The following PPP2R2C variants were observed in gnomAD, a reference collection of about 807,000 sequenced individuals.
The protein encoded by PPP2R2C is protein phosphatase 2 regulatory subunit Bgamma.
Under a neutral mutation model 45.3 loss-of-function variants are expected in PPP2R2C, and 10 were observed. The ratio of observed to expected loss-of-function variants is 0.22; its 90% CI spans 0.14 to 0.37. PPP2R2C has a LOEUF of 0.37. Among genes scored for constraint, PPP2R2C ranks in the 10% least tolerant of loss-of-function variants. The pLI is 1.00. For missense variants in PPP2R2C, 308 were observed against 619.7 expected, an observed-to-expected ratio of 0.50 and a Z score of 5.34; for synonymous variants, 257 against 245.4, an observed-to-expected ratio of 1.05 and a Z score of -0.44.
chr4:6,323,927 G>C (rs1406717313), intron 8 of PPP2R2C, among the ~76,000 whole-genome samples: 3 of 151,990 alleles, frequency 2.0e-5, no homozygotes, highest in Non-Finnish European at 4.4e-5. Context: ...CTGGGTGACA[G>C]AGTAAAACTC....
chr4:6,342,034 G>A (rs914646060), intron 6 of PPP2R2C, among the ~76,000 whole-genome samples: 45 of 151,076 alleles, frequency 3.0e-4, no homozygotes, highest in African/African-American at 1.0e-3. Flanking sequence ...CCTGATGTGC[G>A]ATTTTCCCAG....
intron 2 of PPP2R2C, among the ~76,000 whole-genome samples, chr4:6,379,231 G>T (rs1419726490): frequency 6.6e-6 from 1 of 152,162 alleles, no homozygotes; most frequent in Non-Finnish European, 1.5e-5. Flanking sequence ...AGGCAGCAGA[G>T]CTCCTTCTAA....
chr4:6,458,511 C>G (rs181848920), intron 1 of PPP2R2C, among the ~76,000 whole-genome samples: 136 of 152,320 alleles, frequency 8.9e-4, no homozygotes, highest in African/African-American at 3.3e-3. Context: ...ACAACCTCAT[C>G]ACTCCCAAAG....
chr4:6,372,840 G>A, intron 4 of PPP2R2C, 140 bp from the exon 5 acceptor site: 1 of 827,096 alleles, frequency 1.2e-6, no homozygotes, highest in Non-Finnish European at 1.9e-6. Flanking sequence ...GTCTGAAATA[G>A]GCAGTGACAG....
At chr4:6,552,555 C>G (rs537230476) in intron 1 of PPP2R2C, among the ~76,000 whole-genome samples, 1 of 152,080 alleles carries the variant, frequency 6.6e-6, no homozygotes, top group African/African-American at 2.4e-5. Context: ...TTTCTCTCCT[C>G]TGCTTGTGTC....
intron 2 of PPP2R2C, among the ~76,000 whole-genome samples, chr4:6,497,840 T>C (rs1039322423): frequency 1.3e-5 from 2 of 152,220 alleles, no homozygotes; most frequent in Non-Finnish European, 2.9e-5. Context: ...GGAACAGTGT[T>C]TTCTAGAAGA....
intron 1 of PPP2R2C, among the ~76,000 whole-genome samples, chr4:6,544,645 A>T (rs1297809069): frequency 2.6e-5 from 4 of 152,216 alleles, no homozygotes; most frequent in Non-Finnish European, 5.9e-5. Context: ...CTCCAAAAGC[A>T]TTCCTAAATT....
chr4:6,546,050 G>T (rs1445867195), intron 1 of PPP2R2C, among the ~76,000 whole-genome samples: 1 of 152,208 alleles, frequency 6.6e-6, no homozygotes, highest in Admixed American at 6.5e-5. Flanking sequence ...ATCAACACGT[G>T]GCTAAACGAG....
At chr4:6,454,625 A>G (rs1386588801) in intron 1 of PPP2R2C, among the ~76,000 whole-genome samples, 1 of 152,182 alleles carries the variant, frequency 6.6e-6, no homozygotes, top group Non-Finnish European at 1.5e-5. Flanking sequence ...TGCCCAGCCA[A>G]GCTCTGCCCA....
intron 1 of PPP2R2C, among the ~76,000 whole-genome samples, chr4:6,544,782 C>G (rs73796245): frequency 0.042 from 6,425 of 152,298 alleles, 436 homozygotes; most frequent in African/African-American, 0.14. Context: ...TGCTCTGCAA[C>G]TGTGGATGCC....
chr4:6,424,417 G>A (rs919490442), intron 1 of PPP2R2C, among the ~76,000 whole-genome samples: 2 of 152,346 alleles, frequency 1.3e-5, no homozygotes, highest in East Asian at 1.9e-4. Context: ...TCTGCAGAGA[G>A]AGGACACTTT....
At chr4:6,352,400 G>A (rs1712652127) in intron 5 of PPP2R2C, among the ~76,000 whole-genome samples, 1 of 152,164 alleles carries the variant, frequency 6.6e-6, no homozygotes, top group Admixed American at 6.5e-5. Context: ...AATCCTGCTT[G>A]AAAAACTGCT....
chr4:6,335,645 A>G lies in PPP2R2C; in HGVS notation c.791-1914T>C, dbSNP rs573908171. On this transcript the variant is annotated intron_variant, in intron 6 of 8. Coordinates refer to ENST00000382599, the MANE Select transcript of PPP2R2C (RefSeq NM_020416.4). The stretch of plus-strand genomic sequence containing the variant: ...GGCAGGAGGCTGGAGTCCCCTCCCG[A>G]CGGAGGAAGGAAGTTCCAGCACCCG... Among the ~76,000 whole-genome samples the G allele has an allele frequency of 4.6e-4, 70 of 152,056 alleles. 1 individual carries two copies. In the South Asian group the frequency reaches 0.013, roughly 28 times the overall value.
At chr4:6,380,890 G>T in intron 2 of PPP2R2C, 107 bp downstream of exon 2, 3 of 1,415,642 alleles carry the variant, frequency 2.1e-6, no homozygotes, top group African/African-American at 2.9e-5. Flanking sequence ...ACCTCTCACC[G>T]CATCACCCCT....
chr4:6,403,910 G>A (rs183068554), intron 1 of PPP2R2C, among the ~76,000 whole-genome samples: 1 of 151,828 alleles, frequency 6.6e-6, no homozygotes, highest in East Asian at 1.9e-4. Context: ...GCCTGACAGG[G>A]ATACACTGTG....
intron 1 of PPP2R2C, among the ~76,000 whole-genome samples, chr4:6,386,089 C>T (rs1283026484): frequency 6.6e-6 from 1 of 152,240 alleles, no homozygotes; most frequent in African/African-American, 2.4e-5. Flanking sequence ...GCAACTCTCT[C>T]ACAGATAACT....
At chr4:6,334,783 C>T (rs1347492487) in intron 6 of PPP2R2C, among the ~76,000 whole-genome samples, 3 of 152,202 alleles carry the variant, frequency 2.0e-5, no homozygotes, top group African/African-American at 7.2e-5. Context: ...TGAGTGGCAG[C>T]CTTGCCTGCT....
chr4:6,484,546 A>G (rs1199234116), intron 2 of PPP2R2C, among the ~76,000 whole-genome samples: 4 of 151,598 alleles, frequency 2.6e-5, no homozygotes, highest in East Asian at 1.9e-4. Context: ...TATTGTTTAC[A>G]CTGTGTTGAA....
intron 1 of PPP2R2C, among the ~76,000 whole-genome samples, chr4:6,399,045 T>C (rs984707316): frequency 6.6e-6 from 1 of 152,178 alleles, no homozygotes; most frequent in Non-Finnish European, 1.5e-5. Context: ...GTGCAGACTA[T>C]CCTACAGTGA....
Sources: allele counts gnomAD v4.1 joint callset (sites outside exome capture counted in the v4.1 genomes callset), GRCh38; gene constraint gnomAD v4.1.1; transcripts MANE v1.5; gene names NCBI Gene and HGNC (gene_info 2026-07-23, HGNC 2026-07-21).